Variants in FIRRM observed in about 807,000 individuals in gnomAD.
FIRRM encodes the protein FIGNL1 interacting regulator of recombination and mitosis.
the FIRRM span, chr1:169,823,396 G>T: frequency 6.4e-7 from 1 of 1,574,684 alleles, no homozygotes; most frequent in Non-Finnish European, 8.7e-7. Context: ...GAATAGAGTT[G>T]TTTTATTTTA....
chr1:169,806,992 T>A, the FIRRM span, among the ~76,000 whole-genome samples: 5 of 152,184 alleles, frequency 3.3e-5, no homozygotes, highest in Non-Finnish European at 5.9e-5. Context: ...CTTCCACTCT[T>A]ACCCTCTTCC....
chr1:169,832,400 C>G, the FIRRM span: 3 of 1,576,470 alleles, frequency 1.9e-6, no homozygotes, highest in Non-Finnish European at 2.6e-6. Context: ...TCCTCTCTCT[C>G]TCATGTCTTT....
chr1:169,805,929 A>C, the FIRRM span: 1 of 785,526 alleles, frequency 1.3e-6, no homozygotes, highest in East Asian at 2.6e-5. Context: ...TGTTCAGTAG[A>C]TAGTTTTAAT....
the FIRRM span, among the ~76,000 whole-genome samples, chr1:169,848,415 A>G: frequency 6.6e-6 from 1 of 152,208 alleles, no homozygotes; most frequent in Admixed American, 6.5e-5. Flanking sequence ...AATTCTAGTA[A>G]TTGACACTTC....
chr1:169,838,184 C>T, the FIRRM span, among the ~76,000 whole-genome samples: 1 of 152,092 alleles, frequency 6.6e-6, no homozygotes, highest in Non-Finnish European at 1.5e-5. Flanking sequence ...GGTAATCTAC[C>T]CTCCTTGGCC....
At chr1:169,847,370 G>A in the FIRRM span, among the ~76,000 whole-genome samples, 2 of 121,912 alleles carry the variant, frequency 1.6e-5, no homozygotes, top group African/African-American at 6.1e-5. Flanking sequence ...ATAAATCAAA[G>A]CACAATAAAA....
the FIRRM span, chr1:169,849,919 G>A: frequency 2.2e-6 from 1 of 461,276 alleles, no homozygotes; most frequent in South Asian, 2.7e-5. Context: ...ATTTCATTTT[G>A]TGCTATCAGT....
At chr1:169,796,125 C>T in the FIRRM span, 1 of 327,174 alleles carries the variant, frequency 3.1e-6, no homozygotes, top group Non-Finnish European at 4.4e-6. Context: ...TATGTAATCA[C>T]ATAGAAGTCA....
At chr1:169,793,652 T>G in the FIRRM span, 1 of 1,612,376 alleles carries the variant, frequency 6.2e-7, no homozygotes, top group South Asian at 1.1e-5. Context: ...TGTTAATTCA[T>G]TTTCCAGATG....
chr1:169,846,971 G>A, the FIRRM span, among the ~76,000 whole-genome samples: 1,824 of 152,134 alleles, frequency 0.012, 44 homozygotes, highest in South Asian at 0.094. Context: ...CTTTTCACTC[G>A]AACACTTAAG....
the FIRRM span, among the ~76,000 whole-genome samples, chr1:169,831,871 C>G: frequency 2.6e-5 from 4 of 152,184 alleles, no homozygotes; most frequent in African/African-American, 4.8e-5. Flanking sequence ...GTCCTCCTCC[C>G]TCACCCTGCT....
chr1:169,803,540 A>G, the FIRRM span, among the ~76,000 whole-genome samples: 5 of 151,996 alleles, frequency 3.3e-5, no homozygotes, highest in South Asian at 1.0e-3. Context: ...CCCCTCTATA[A>G]AGAAAGAAGT....
At chr1:169,819,865 T>A in the FIRRM span, among the ~76,000 whole-genome samples, 1 of 152,214 alleles carries the variant, frequency 6.6e-6, no homozygotes, top group African/African-American at 2.4e-5. Context: ...AAAGTACTCA[T>A]TGCCTTTGCC....
the FIRRM span, among the ~76,000 whole-genome samples, chr1:169,821,127 A>G: frequency 2.6e-5 from 4 of 152,202 alleles, no homozygotes. Flanking sequence ...CTTCCTTACT[A>G]GTGCAGGGAT....
the FIRRM span, chr1:169,829,524 C>A: frequency 7.3e-7 from 1 of 1,372,294 alleles, no homozygotes; most frequent in East Asian, 2.4e-5. Context: ...GATTCATATA[C>A]AGAAGAAAAT....
chr1:169,800,205 C>A, the FIRRM span, among the ~76,000 whole-genome samples: 4 of 151,762 alleles, frequency 2.6e-5, no homozygotes, highest in African/African-American at 9.7e-5. Context: ...GGCTAATTTT[C>A]TATTTATATA....
the FIRRM span, among the ~76,000 whole-genome samples, chr1:169,832,886 G>GAGCC: frequency 7.9e-5 from 12 of 152,162 alleles, 1 homozygote; most frequent in Admixed American, 4.6e-4. Context: ...TTGCAGGTGT[G>GAGCC]AGCCACTCTG....
At chr1:169,789,372 T>C in the FIRRM span, among the ~76,000 whole-genome samples, 51 of 152,206 alleles carry the variant, frequency 3.4e-4, no homozygotes, top group Non-Finnish European at 5.0e-4. Context: ...ACGCTGACAC[T>C]TATCCACCCC....
the FIRRM span, chr1:169,806,218 T>G: frequency 1.7e-6 from 1 of 605,604 alleles, no homozygotes. Context: ...CACTGCTGTC[T>G]GATAATCCAG....
Sources: gnomAD v4.1 joint callset for allele counts (sites outside exome capture counted in the v4.1 genomes callset) on GRCh38, gnomAD v4.1.1 for gene constraint, MANE v1.5 for transcripts, NCBI Gene and HGNC (gene_info 2026-07-23, HGNC 2026-07-21) for gene names.